The following VWF variants were observed in gnomAD, a reference collection of about 807,000 sequenced individuals.
The protein encoded by VWF is von Willebrand factor.
Under a neutral mutation model 308.6 loss-of-function variants are expected in VWF, and 176 were observed. The observed-to-expected ratio is 0.57, with a 90% CI of 0.50 to 0.65. VWF has a LOEUF of 0.65. VWF is among the 30% of genes least tolerant of loss of function. The pLI is 0.00. For synonymous variants in VWF, 1,385 were observed against 1,443.4 expected (o/e 0.96, Z 0.92); for missense variants, 3,146 against 3,648.2 (o/e 0.86, Z 3.55).
At chr12:6,005,578 T>C (rs1943916049) in intron 34 of VWF, among the ~76,000 whole-genome samples, 1 of 152,172 alleles carries the variant, frequency 6.6e-6, no homozygotes, top group Non-Finnish European at 1.5e-5. Context: ...TTATAATCAA[T>C]TTGTCAAAAG....
chr12:6,001,317 G>A (rs1265817121), intron 34 of VWF, among the ~76,000 whole-genome samples: 1 of 152,018 alleles, frequency 6.6e-6, no homozygotes, highest in Non-Finnish European at 1.5e-5. Context: ...ATGAGAATGG[G>A]CTTAACTTGT....
rs923165523 is a variant in VWF, at chr12:6,060,800, G to T, written c.1533+2154C>A. Among the ~76,000 whole-genome samples the T allele has an allele frequency of 2.0e-5, 3 of 152,148 alleles. No homozygotes were observed. Among genetic ancestry groups the T allele is most frequent in the Admixed American group, 2.0e-4 (3 of 15,278 alleles). Reference sequence around the variant, plus strand: ...AGACAAAGACCAAAGAAACCTGAGGGGAGGAAGGGCAGCTGCCCAGGATGA... The same window carrying T: ...AGACAAAGACCAAAGAAACCTGAGGTGAGGAAGGGCAGCTGCCCAGGATGA... On this transcript the variant is annotated intron_variant, in intron 13 of 51. Coordinates refer to ENST00000261405, the MANE Select transcript of VWF (RefSeq NM_000552.5). This position sits in a 1 kb window ranked among gnomAD's most constrained non-coding sequence, Gnocchi z 5.1.
chr12:5,949,866 T>C lies in VWF; in HGVS notation c.8173A>G (p.Asn2725Asp). ...CCDTCEEPEC[N>D]DITARLQYVK... The stretch of plus-strand genomic sequence containing the variant: ...TACTGCAGCCTGGCAGTGATGTCGT[T>C]GCACTCAGGCTCCTCACCTACAGGA... The change falls in exon 51 of 52, where the codon AAC becomes GAC. Residue 2725 changes from asparagine to aspartate, a missense_variant. Asn to Asp is a conservative substitution (Grantham distance 23). Coordinates refer to ENST00000261405, the MANE Select transcript of VWF (RefSeq NM_000552.5). 1 of 1,613,780 alleles carries C rather than the reference T, an allele frequency of 6.2e-7. No homozygotes were observed. The highest frequency in any genetic ancestry group is 8.5e-7 in the Non-Finnish European group (1 of 1,179,996).
Position 6,058,706 on chromosome 12 carries a change from T to C in VWF, c.1534-662A>G, listed in dbSNP as rs1218755637. Among the ~76,000 whole-genome samples the C allele has an allele frequency of 6.6e-6, 1 of 152,112 alleles. No individual in the cohort carries two copies. The highest frequency in any genetic ancestry group is 1.5e-5 in the Non-Finnish European group (1 of 68,014). ...GATAGGAGTAGGAGTCTGCAGAGGCTCTGAGGCAGCCTGCCAGGGTGACAG... is the reference window on the plus strand; with the variant it reads ...GATAGGAGTAGGAGTCTGCAGAGGCCCTGAGGCAGCCTGCCAGGGTGACAG... On this transcript the variant is annotated intron_variant, in intron 13 of 51. Coordinates refer to ENST00000261405, the MANE Select transcript of VWF (RefSeq NM_000552.5). The surrounding 1 kb of genome is among the most constrained non-coding windows in gnomAD (Gnocchi z 4.9).
intron 10 of VWF, among the ~76,000 whole-genome samples, chr12:6,070,629 ACAC>A (rs1270954377): frequency 6.6e-6 from 1 of 152,216 alleles, no homozygotes; most frequent in Non-Finnish European, 1.5e-5. Context: ...CACATAGAAA[ACAC>A]CACGTGAGTG....
At chr12:6,022,159 C>T in intron 26 of VWF, 124 bp from the exon 27 acceptor site, 2 of 1,346,266 alleles carry the variant, frequency 1.5e-6, no homozygotes, top group Non-Finnish European at 2.1e-6. Flanking sequence ...CTCCTGCCTG[C>T]ACTCCCAGGG....
intron 6 of VWF, among the ~76,000 whole-genome samples, chr12:6,090,936 G>A (rs1211604488): frequency 6.6e-6 from 1 of 152,156 alleles, no homozygotes; most frequent in African/African-American, 2.4e-5. Flanking sequence ...CTGCAAAGAA[G>A]AGGAAACTCC....
chr12:6,023,599 G>T (rs1490544224), intron 25 of VWF, 32 bp downstream of exon 25: 3 of 1,612,992 alleles, frequency 1.9e-6, no homozygotes, highest in Non-Finnish European at 2.5e-6. Flanking sequence ...AGAAGGGAGG[G>T]CATCTGAGAA....
intron 47 of VWF, among the ~76,000 whole-genome samples, chr12:5,963,712 G>A (rs538705079): frequency 1.3e-5 from 2 of 152,296 alleles, no homozygotes; most frequent in African/African-American, 4.8e-5. Flanking sequence ...GTCTCGCTCT[G>A]TCACCCAGGC....
chr12:6,051,226 T>C (rs1213854224), intron 16 of VWF, among the ~76,000 whole-genome samples: 1 of 151,748 alleles, frequency 6.6e-6, no homozygotes, highest in Non-Finnish European at 1.5e-5. Context: ...GGGCTCCTTA[T>C]ACTATTCTCT....
At chr12:6,041,442 A>T (rs565024151) in intron 18 of VWF, among the ~76,000 whole-genome samples, 46 of 149,454 alleles carry the variant, frequency 3.1e-4, no homozygotes, top group Admixed American at 8.7e-4. Context: ...AAAAATTTTT[A>T]AAAAAAAAAG....
At chr12:5,972,013 C>T (rs570030694) in intron 43 of VWF, among the ~76,000 whole-genome samples, 1 of 152,340 alleles carries the variant, frequency 6.6e-6, no homozygotes, top group South Asian at 2.1e-4. Flanking sequence ...TTAGCAGCAG[C>T]TTACTAATCT....
At position 5,983,364 on chromosome 12, in the gene VWF, T is replaced by A. The variant is rs543339845; in HGVS notation, c.6977-110A>T. On this transcript the variant is annotated intron_variant, in intron 40 of 51. Coordinates refer to ENST00000261405, the MANE Select transcript of VWF (RefSeq NM_000552.5). Reference sequence around the variant, plus strand: ...TCATGCAGACTTCTACTGTTTTAGGTAAGTGATGATGATGGAGACAGAGAT... The same window carrying A: ...TCATGCAGACTTCTACTGTTTTAGGAAAGTGATGATGATGGAGACAGAGAT... 5 of 1,025,654 alleles carry A rather than the reference T, an allele frequency of 4.9e-6. No individual in the cohort carries two copies. The East Asian group carries it at 1.1e-4, about 23-fold the overall frequency. The allele number at this position is 1,025,654 out of a possible 1,614,324, so 63.5% of individuals were successfully genotyped here.
intron 16 of VWF, among the ~76,000 whole-genome samples, chr12:6,049,840 T>C (rs770068285): frequency 1.3e-5 from 2 of 152,256 alleles, no homozygotes; most frequent in African/African-American, 4.8e-5. Context: ...TTCCATGATA[T>C]GGCACTGCTC....
At chr12:6,083,747 A>G (rs1944940195) in intron 6 of VWF, among the ~76,000 whole-genome samples, 2 of 152,176 alleles carry the variant, frequency 1.3e-5, no homozygotes, top group African/African-American at 4.8e-5. Context: ...TAGGAATAAG[A>G]TTCCATTTCT....
At chr12:6,080,302 A>G (rs1944895805) in intron 6 of VWF, among the ~76,000 whole-genome samples, 1 of 152,250 alleles carries the variant, frequency 6.6e-6, no homozygotes, top group Admixed American at 6.5e-5. Flanking sequence ...CGCAGACAGG[A>G]GTAAGTCATG....
At chr12:6,100,035 C>T (rs1340291674) in intron 5 of VWF, among the ~76,000 whole-genome samples, 1,517 of 151,272 alleles carry the variant, frequency 0.01, 30 homozygotes, top group African/African-American at 0.034. Flanking sequence ...TGAACTCAAA[C>T]AAATTTACAA....
In VWF at chr12:5,978,708, C is replaced by T. The variant is rs112430403; in HGVS notation, c.7288-2448G>A. Among the ~76,000 whole-genome samples, 337 of 152,254 alleles carry T rather than the reference C, an allele frequency of 2.2e-3. 1 individual carries two copies. The highest frequency in any genetic ancestry group is 7.6e-3 in the African/African-American group (315 of 41,548). The stretch of plus-strand genomic sequence containing the variant: ...AATCAGAAATACCACTACAAATTTA[C>T]GAGTTTTTATCCTCTCTTAAAATAT... On this transcript the variant is annotated intron_variant, in intron 42 of 51. Coordinates refer to ENST00000261405, the MANE Select transcript of VWF (RefSeq NM_000552.5).
chr12:6,097,639 C>G (rs549250902), intron 5 of VWF, among the ~76,000 whole-genome samples: 2 of 152,204 alleles, frequency 1.3e-5, no homozygotes, highest in South Asian at 4.2e-4. Context: ...AGTTTTGGCC[C>G]TCCCAACACC....
Sources: gnomAD v4.1 joint callset for allele counts (sites outside exome capture counted in the v4.1 genomes callset) on GRCh38, gnomAD v4.1.1 for gene constraint, Gnocchi (gnomAD v3.1) non-coding constraint, MANE v1.5 for transcripts, NCBI Gene and HGNC (gene_info 2026-07-23, HGNC 2026-07-21) for gene names.